ERBB4: variants seen among roughly 807,000 people sequenced by gnomAD.
The protein encoded by ERBB4 is erb-b2 receptor tyrosine kinase 4.
A neutral mutation model predicts 158.0 loss-of-function variants in ERBB4; 42 were observed. That is an observed-to-expected ratio of 0.27 (90% CI 0.21 to 0.34). The LOEUF is 0.34. Among genes scored for constraint, ERBB4 ranks in the 10% least tolerant of loss-of-function variants. ERBB4 has a pLI of 1.00. For missense variants in ERBB4, 1,333 were observed against 1,624.1 expected (o/e 0.82, Z 3.08); for synonymous variants, 583 against 558.7 (o/e 1.04, Z -0.61).
chr2:212,027,535 A>G (rs1315293793), intron 2 of ERBB4, among the ~76,000 whole-genome samples: 1 of 152,104 alleles, frequency 6.6e-6, no homozygotes, highest in Admixed American at 6.6e-5. Context: ...TTGTAAATCA[A>G]TGAGAATGTG....
intron 1 of ERBB4, among the ~76,000 whole-genome samples, chr2:212,160,123 C>A (rs1427819720): frequency 2.0e-5 from 3 of 151,928 alleles, no homozygotes; most frequent in Admixed American, 2.0e-4. Context: ...TTTAGCATAA[C>A]CCTTTCCTCA....
At chr2:211,764,713 G>A (rs2075505879) in intron 4 of ERBB4, among the ~76,000 whole-genome samples, 1 of 152,060 alleles carries the variant, frequency 6.6e-6, no homozygotes, top group African/African-American at 2.4e-5. Context: ...TATGTTAACA[G>A]ATACAAAAAT....
chr2:211,834,355 G>C (rs1479939111), intron 3 of ERBB4, among the ~76,000 whole-genome samples: 1 of 151,990 alleles, frequency 6.6e-6, no homozygotes, highest in African/African-American at 2.4e-5. Context: ...CTTAACAGCA[G>C]ATCTCAAAGG....
intron 3 of ERBB4, among the ~76,000 whole-genome samples, chr2:211,872,795 G>A (rs957551133): frequency 1.3e-5 from 2 of 151,850 alleles, no homozygotes; most frequent in Non-Finnish European, 2.9e-5. Context: ...TAAGTAAAAG[G>A]TACATTTACT....
chr2:211,522,746 C>A lies in ERBB4; in HGVS notation c.2487+39157G>T, dbSNP rs4441403. 8.7e-3 allele frequency among the ~76,000 whole-genome samples: 1,319 copies of A among 152,202 alleles called. 14 individuals are homozygous for A. Among genetic ancestry groups the A allele is most frequent in the African/African-American group, 0.03 (1,251 of 41,556 alleles). ...GATTCTGACTCACTAAAGGCTTAGA[C>A]GATCATTCTCTTTTTTTAGCAATAA... On this transcript the variant is annotated intron_variant, in intron 20 of 27. Transcript: ENST00000342788.
At chr2:212,304,954 GTATATA>G (rs147792901) in intron 1 of ERBB4, among the ~76,000 whole-genome samples, 1 of 150,846 alleles carries the variant, frequency 6.6e-6, no homozygotes, top group Non-Finnish European at 1.5e-5. Flanking sequence ...GTGTGTGTGT[GTATATA>G]TATATAATTA....
chr2:211,689,581 G>A (rs1394456831), intron 12 of ERBB4, among the ~76,000 whole-genome samples: 2 of 152,074 alleles, frequency 1.3e-5, no homozygotes, highest in Admixed American at 1.3e-4. Context: ...TTATAAAGAT[G>A]TAAAGAGTAA....
At chr2:211,445,521 A>G (rs540377401) in intron 20 of ERBB4, among the ~76,000 whole-genome samples, 1 of 152,056 alleles carries the variant, frequency 6.6e-6, no homozygotes, top group Non-Finnish European at 1.5e-5. Context: ...ACAAAGACAG[A>G]GTGTTATTTC....
chr2:211,699,598 G>GA (rs2073156605), intron 12 of ERBB4, among the ~76,000 whole-genome samples: 1 of 151,950 alleles, frequency 6.6e-6, no homozygotes, highest in Non-Finnish European at 1.5e-5. Context: ...CGTTAAAAAT[G>GA]AAAAATGATA....
chr2:211,848,364 A>C (rs1408470963), intron 3 of ERBB4, among the ~76,000 whole-genome samples: 3 of 152,030 alleles, frequency 2.0e-5, no homozygotes, highest in Non-Finnish European at 4.4e-5. Context: ...GTGTGATAAG[A>C]CTTCTTTATA....
At chr2:212,286,853 C>T (rs922743288) in intron 1 of ERBB4, among the ~76,000 whole-genome samples, 6 of 139,270 alleles carry the variant, frequency 4.3e-5, no homozygotes, top group African/African-American at 1.6e-4. Flanking sequence ...TCAAGCGATC[C>T]GCCAGCCTCT....
chr2:211,620,304 G>T (rs1205326598), intron 18 of ERBB4, among the ~76,000 whole-genome samples: 1 of 152,014 alleles, frequency 6.6e-6, no homozygotes, highest in Non-Finnish European at 1.5e-5. Flanking sequence ...ATGAAAGAAT[G>T]AAAAATAATA....
chr2:211,709,237 A>ATATATATATATATATATG lies in ERBB4; in HGVS notation c.1124+2812_1124+2813insCATATATATATATATATA, dbSNP rs2073576679. On this transcript the variant is annotated intron_variant, in intron 9 of 27. Transcript: ENST00000342788. ...TGACTATATATATGCGTGTGTGTGT[A>ATATATATATATATATATG]TATATATATATATACACATATATAT... is the stretch of plus-strand genomic sequence containing the variant. Among the ~76,000 whole-genome samples the ATATATATATATATATATG allele has an allele frequency of 3.6e-4, 15 of 41,634 alleles. No homozygotes were observed. In the South Asian group the frequency reaches 0.016, roughly 46 times the overall value. 27.3% of individuals were successfully genotyped at this position (41,634 alleles called of 152,430 possible). A position where few individuals can be genotyped will look rare whatever the true frequency, so the allele number is the denominator to read the frequency against.
chr2:212,383,370 T>C (rs2090572126), intron 1 of ERBB4, among the ~76,000 whole-genome samples: 1 of 151,544 alleles, frequency 6.6e-6, no homozygotes, highest in South Asian at 2.1e-4. Flanking sequence ...TAGAAGTTTC[T>C]ACTTATTCAT....
Position 211,803,166 on chromosome 2 carries a change from A to C in ERBB4, c.422-15007T>G, listed in dbSNP as rs2076538173. 4.6e-5 allele frequency among the ~76,000 whole-genome samples: 7 copies of C among 152,166 alleles called. No individual in the cohort carries two copies. In the South Asian group the frequency reaches 1.5e-3, roughly 32 times the overall value. On this transcript the variant is annotated intron_variant, in intron 3 of 27. Transcript: ENST00000342788. ...GCAAATGCCTATTAATAATAGTAAA[A>C]TGTGTCATGCTAAATTTTGTATCTA...
At chr2:212,280,793 G>T (rs2085728681) in intron 1 of ERBB4, among the ~76,000 whole-genome samples, 1 of 151,550 alleles carries the variant, frequency 6.6e-6, no homozygotes, top group Admixed American at 6.6e-5. Context: ...AACTAAAGAT[G>T]GACTAAAGTC....
chr2:212,156,323 C>A (rs2081034468), intron 1 of ERBB4, among the ~76,000 whole-genome samples: 1 of 151,796 alleles, frequency 6.6e-6, no homozygotes, highest in Non-Finnish European at 1.5e-5. Context: ...ACTTATTGAC[C>A]CAGTTCATCA....
intron 4 of ERBB4, among the ~76,000 whole-genome samples, chr2:211,756,592 G>T (rs1242579047): frequency 6.6e-6 from 1 of 152,134 alleles, no homozygotes; most frequent in Non-Finnish European, 1.5e-5. Context: ...TTGACCTGTA[G>T]GGTAGAAAAT....
At chr2:211,418,027 C>T (rs1411082675) in intron 25 of ERBB4, among the ~76,000 whole-genome samples, 2 of 151,266 alleles carry the variant, frequency 1.3e-5, no homozygotes, top group African/African-American at 4.9e-5. Flanking sequence ...ATATTCAGAA[C>T]ATTACCTAAA....
Sources: allele counts gnomAD v4.1 joint callset (sites outside exome capture counted in the v4.1 genomes callset), GRCh38; gene constraint gnomAD v4.1.1; transcripts MANE v1.5; gene names NCBI Gene and HGNC (gene_info 2026-07-23, HGNC 2026-07-21).